N4BP3: variants seen among roughly 807,000 people sequenced by gnomAD.
N4BP3 encodes the protein NEDD4-binding protein 3.
Under a neutral mutation model 43.8 loss-of-function variants are expected in N4BP3, and 33 were observed. The ratio of observed to expected loss-of-function variants is 0.75; its 90% CI spans 0.57 to 1.01. The LOEUF (loss-of-function observed/expected upper bound fraction) is 1.01, where lower values mean the gene tolerates loss of function less well. Ranked by LOEUF, N4BP3 falls within the 50% of genes least tolerant of loss-of-function variation. The pLI is 0.00. For synonymous variants in N4BP3, 326 were observed against 321.9 expected (o/e 1.01, Z -0.14); for missense variants, 756 against 744.2 (o/e 1.02, Z -0.18).
intron 1 of N4BP3, among the ~76,000 whole-genome samples, chr5:178,117,084 A>T (rs1253136885): frequency 3.9e-5 from 6 of 152,210 alleles, no homozygotes; most frequent in African/African-American, 1.4e-4. Context: ...AAGTGCTGGG[A>T]TTACAGGTGT....
rs1208009973 is a variant in N4BP3, at chr5:178,123,929, G to C, written c.*1928G>C. 6.5e-6 allele frequency: 1 copy of C among 152,900 alleles called. No homozygotes were observed. The highest frequency in any genetic ancestry group is 1.5e-5 in the Non-Finnish European group (1 of 68,280). The allele number at this position is 152,900 out of a possible 1,614,324, so 9.5% of individuals were successfully genotyped here. A position where few individuals can be genotyped will look rare whatever the true frequency, so the allele number is the denominator to read the frequency against. On this transcript the variant is annotated 3_prime_UTR_variant, in exon 5 of 5. Transcript: ENST00000274605. Reference sequence around the variant, plus strand: ...CATACAGGCCCACACCTGAGCTCCTGTCTGCCTGAGGAGGGAAAGGGGGAG... The same window carrying C: ...CATACAGGCCCACACCTGAGCTCCTCTCTGCCTGAGGAGGGAAAGGGGGAG...
Position 178,120,484 on chromosome 5 carries a change from G to A in N4BP3, c.637G>A (p.Gly213Ser). The change falls in exon 3 of 5, where the codon GGC (glycine) becomes AGC (serine). Residue 213 changes from glycine (G) to serine (S), a missense_variant. Physicochemically the swap from Gly to Ser is moderately conservative, Grantham distance 56. Transcript: ENST00000274605. Reference protein sequence around the residue: ...TGPSPFSSSLGHLNHLGGSLD... With the variant: ...TGPSPFSSSLSHLNHLGGSLD... ...CCCTAGCCCCTTCAGCTCCTCCCTTGGCCACCTTAACCACCTCGGGGGCTC... is the reference window on the plus strand; with the variant it reads ...CCCTAGCCCCTTCAGCTCCTCCCTTAGCCACCTTAACCACCTCGGGGGCTC... 6.2e-7 allele frequency: 1 copy of A among 1,613,046 alleles called. No individual in the cohort carries two copies.
rs1320109624 is a variant in N4BP3 at position 178,113,725 on chromosome 5, G to C, written c.-77G>C. ...CAAATCCGCGCGGGGGAGCTGCGAC[G>C]CGCAAGGGCTGCGGAGCCGCGGGCC... On this transcript the variant is annotated 5_prime_UTR_variant, in exon 1 of 5. Transcript: ENST00000274605. The C allele has an allele frequency of 2.0e-5, 3 of 151,716 alleles. No homozygotes were observed. Among genetic ancestry groups the C allele is most frequent in the Non-Finnish European group, 4.4e-5 (3 of 67,878 alleles). The allele number at this position is 151,716 out of a possible 1,614,324, so 9.4% of individuals were successfully genotyped here. A position where few individuals can be genotyped will look rare whatever the true frequency, so the allele number is the denominator to read the frequency against.
At position 178,123,571 on chromosome 5, in the gene N4BP3, CAG is replaced by C. The variant is rs1301895789; in HGVS notation, c.*1571_*1572del. 2.6e-5 allele frequency: 4 copies of C among 152,866 alleles called. No individual in the cohort carries two copies. Among genetic ancestry groups the C allele is most frequent in the Admixed American group, 1.3e-4 (2 of 15,282 alleles). The allele number at this position is 152,866 out of a possible 1,614,324, so 9.5% of individuals were successfully genotyped here. ...AAGTGGAGTTAGTGCACATGGATGTCAGGGGACGGGTGTGAGGCATGAGCTGG... is the reference window on the plus strand; with the variant it reads ...AAGTGGAGTTAGTGCACATGGATGTCGGGACGGGTGTGAGGCATGAGCTGG... On this transcript the variant is annotated 3_prime_UTR_variant, in exon 5 of 5. Transcript: ENST00000274605.
rs575575856 is a variant in N4BP3 at position 178,118,131 on chromosome 5, C to T, written c.-30-1423C>T. On this transcript the variant is annotated intron_variant, in intron 1 of 4. Transcript: ENST00000274605. This position sits in a 1 kb window ranked among gnomAD's most constrained non-coding sequence, Gnocchi z 5.4. ...ACTCGGCCAGACCTTTCTGCACGCCCGCTCCATGCTGGGCACTGGGCTGTG... is the reference window on the plus strand; with the variant it reads ...ACTCGGCCAGACCTTTCTGCACGCCTGCTCCATGCTGGGCACTGGGCTGTG... Among the ~76,000 whole-genome samples, 11 of 152,274 alleles carry T rather than the reference C, an allele frequency of 7.2e-5. No individual in the cohort carries two copies. In the South Asian group the frequency reaches 1.0e-3, roughly 14 times the overall value.
intron 2 of N4BP3, 111 bp from the exon 3 acceptor site, chr5:178,120,067 G>A (rs1466390494): frequency 2.7e-6 from 4 of 1,482,324 alleles, no homozygotes; most frequent in East Asian, 2.3e-5. Context: ...CTGGTGGCAC[G>A]TGCCCCGCGG....
rs1468053677 is a variant in N4BP3, at chr5:178,118,464, G to A, written c.-30-1090G>A. ...TCACACACCGATTGGTTCCGCCAGG[G>A]TTAGGATTTGGGACCCACCCTGCCG... On this transcript the variant is annotated intron_variant, in intron 1 of 4. Coordinates refer to ENST00000274605, the MANE Select transcript of N4BP3 (RefSeq NM_015111.2). This position sits in a 1 kb window ranked among gnomAD's most constrained non-coding sequence, Gnocchi z 5.4. Among the ~76,000 whole-genome samples the A allele has an allele frequency of 6.6e-6, 1 of 152,208 alleles. No individual in the cohort carries two copies. Among genetic ancestry groups the A allele is most frequent in the Non-Finnish European group, 1.5e-5 (1 of 68,036 alleles).
rs1757923377 is a variant in N4BP3 at position 178,121,537 on chromosome 5, C to A, written c.1171C>A (p.Leu391Met). The A allele has an allele frequency of 6.2e-7, 1 of 1,613,786 alleles. No individual in the cohort carries two copies. The highest frequency in any genetic ancestry group is 1.3e-5 in the African/African-American group (1 of 74,942). ...KQQLREAQAE[L>M]AQKLAEIFSL... is the part of the protein sequence containing the mutation. ...GCAGCTGCGTGAAGCCCAGGCGGAA[C>A]TGGCCCAGAAGCTGGCGGAGATCTT... The change falls in exon 5 of 5, where the codon CTG (leucine) becomes ATG (methionine). Residue 391 changes from leucine (L) to methionine (M), a missense_variant. Leu to Met is a conservative substitution (Grantham distance 15). Coordinates refer to ENST00000274605, the MANE Select transcript of N4BP3 (RefSeq NM_015111.2).
At position 178,120,309 on chromosome 5, in the gene N4BP3, C is replaced by T. The variant is rs1757883847; in HGVS notation, c.462C>T (p.Cys154=). Residue 154 remains cysteine (C), a synonymous_variant, in exon 3 of 5, where the codon TGC becomes TGT. Coordinates refer to ENST00000274605, the MANE Select transcript of N4BP3 (RefSeq NM_015111.2). ...RSNGSLHTLA[C]HPPLSPGPRA... ...ATGGCAGCCTGCACACGCTGGCCTG[C>T]CACCCGCCCCTGAGCCCCGGGCCCC... The T allele has an allele frequency of 6.2e-7, 1 of 1,608,416 alleles. No homozygotes were observed. The highest frequency in any genetic ancestry group is 1.7e-4 in the Middle Eastern group (1 of 5,924).
chr5:178,116,103 T>C (rs1398620911), intron 1 of N4BP3, among the ~76,000 whole-genome samples: 1 of 152,190 alleles, frequency 6.6e-6, no homozygotes, highest in Non-Finnish European at 1.5e-5. Context: ...CCCCGGCTTT[T>C]TGCTCTGATG....
At chr5:178,114,484 C>G (rs1208303390) in intron 1 of N4BP3, among the ~76,000 whole-genome samples, 2 of 152,248 alleles carry the variant, frequency 1.3e-5, no homozygotes, top group African/African-American at 4.8e-5. Context: ...GAGGGCTGGC[C>G]TGGGGACAAG....
rs1214843516 is a variant in N4BP3, at chr5:178,121,611, G to C, written c.1245G>C (p.Gln415His). Residue 415 changes from glutamine (Q) to histidine (H), a missense_variant, in exon 5 of 5, where the codon CAG (glutamine) becomes CAC (histidine). Physicochemically the swap from Gln to His is conservative, Grantham distance 24. Coordinates refer to ENST00000274605, the MANE Select transcript of N4BP3 (RefSeq NM_015111.2). ...GCAGCCGGGCACAAGCCCAGGCTCA[G>C]GACGCAGAGCTGGTCCGGCTGCGCG... ...LRGSRAQAQA[Q>H]DAELVRLREA... 6.2e-7 allele frequency: 1 copy of C among 1,613,136 alleles called. No homozygotes were observed. The highest frequency in any genetic ancestry group is 1.3e-5 in the African/African-American group (1 of 74,940).
intron 1 of N4BP3, among the ~76,000 whole-genome samples, chr5:178,116,622 C>T (rs924088187): frequency 2.6e-5 from 4 of 152,182 alleles, no homozygotes; most frequent in Admixed American, 6.5e-5. Context: ...CTAACATGGG[C>T]TCTCTGTGCT....
In N4BP3 at chr5:178,124,806, C is replaced by T. The variant is rs1210463681; in HGVS notation, c.*2805C>T. On this transcript the variant is annotated 3_prime_UTR_variant, in exon 5 of 5. Transcript: ENST00000274605. ...AGCCCTCATCCTGCAGGCAGAGCCC[C>T]TCAGTGCTCTGAGAAACCTGCCCTG... is the stretch of plus-strand genomic sequence containing the variant. 6.6e-6 allele frequency: 1 copy of T among 152,566 alleles called. No individual in the cohort carries two copies. The highest frequency in any genetic ancestry group is 1.5e-5 in the Non-Finnish European group (1 of 68,324). The allele number at this position is 152,566 out of a possible 1,614,324, so 9.5% of individuals were successfully genotyped here.
intron 1 of N4BP3, 84 bp from the exon 2 acceptor site, chr5:178,119,470 G>C (rs1314514181): frequency 9.8e-7 from 1 of 1,024,118 alleles, no homozygotes; most frequent in African/African-American, 1.6e-5. Flanking sequence ...GGGAGCTACA[G>C]GGAGCAAGTA....
In N4BP3 at chr5:178,119,878, A is replaced by G; in HGVS notation, c.295A>G (p.Lys99Glu). Residue 99 changes from lysine to glutamate, a missense_variant, in exon 2 of 5, where the codon AAG (lysine) becomes GAG (glutamate). Lys to Glu is a moderately conservative substitution (Grantham distance 56). Transcript: ENST00000274605. Reference sequence around the variant, plus strand: ...ACATTCTCGCGCGGGTGACTTCAGCAAGACCTCGCTGCCAGAACGGGGTCG... The same window carrying G: ...ACATTCTCGCGCGGGTGACTTCAGCGAGACCTCGCTGCCAGAACGGGGTCG... ...REHSRAGDFS[K>E]TSLPERGRFD... The G allele has an allele frequency of 6.2e-7, 1 of 1,611,480 alleles. No homozygotes were observed. The highest frequency in any genetic ancestry group is 8.5e-7 in the Non-Finnish European group (1 of 1,179,758).
intron 1 of N4BP3, 48 bp from the exon 2 acceptor site, chr5:178,119,506 T>C: frequency 1.5e-6 from 2 of 1,371,838 alleles, no homozygotes; most frequent in Non-Finnish European, 2.0e-6. Context: ...CCAGGGAAGT[T>C]GGGCAGCCAG....
chr5:178,119,589 C>T lies in N4BP3; in HGVS notation c.6C>T (p.Ala2=). The part of the protein sequence containing the change: M[A]TAPGPAGIAM... ...CTGTACCCTGTTGAAACTTCATGGC[C>T]ACAGCCCCAGGCCCTGCTGGCATTG... The change falls in exon 2 of 5, where the codon GCC becomes GCT. Residue 2 remains alanine, a synonymous_variant. Transcript: ENST00000274605. The T allele has an allele frequency of 6.5e-7, 1 of 1,530,566 alleles. No individual in the cohort carries two copies. The highest frequency in any genetic ancestry group is 2.3e-5 in the East Asian group (1 of 44,116). 94.8% of individuals were successfully genotyped at this position (1,530,566 alleles called of 1,614,324 possible).
chr5:178,124,421 GCT>G lies in N4BP3; in HGVS notation c.*2423_*2424del, dbSNP rs1248126026. 2 of 152,442 alleles carry G rather than the reference GCT, an allele frequency of 1.3e-5. No individual in the cohort carries two copies. The highest frequency in any genetic ancestry group is 2.9e-5 in the Non-Finnish European group (2 of 68,110). The allele number at this position is 152,442 out of a possible 1,614,324, so 9.4% of individuals were successfully genotyped here. The stretch of plus-strand genomic sequence containing the variant: ...CCTGGGTCCCCCAGCCGGCTGGGTG[GCT>G]CTGGGGCCAACCGACCACAGGTGTC... On this transcript the variant is annotated 3_prime_UTR_variant, in exon 5 of 5. Transcript: ENST00000274605.
Sources: gnomAD v4.1 joint callset for allele counts (sites outside exome capture counted in the v4.1 genomes callset) on GRCh38, gnomAD v4.1.1 for gene constraint, Gnocchi (gnomAD v3.1) non-coding constraint, MANE v1.5 for transcripts, NCBI Gene and HGNC (gene_info 2026-07-23, HGNC 2026-07-21) for gene names.